Variants in GRM7 observed in about 807,000 individuals in gnomAD.
GRM7 encodes metabotropic glutamate receptor 7.
In GRM7, 35 loss-of-function variants were observed where a neutral mutation model predicts 84.5. The observed-to-expected ratio is 0.41, with a 90% confidence interval of 0.32 to 0.55. The LOEUF (loss-of-function observed/expected upper bound fraction) is 0.55. Among genes scored for constraint, GRM7 ranks in the 20% least tolerant of loss-of-function variants. The probability of loss-of-function intolerance (pLI) is 0.19; values close to 1 mark genes in which losing one functional copy is unlikely to be tolerated. For missense variants in GRM7, 1,003 were observed against 1,194.6 expected (o/e 0.84, Z 2.36); for synonymous variants, 487 against 455.1 (o/e 1.07, Z -0.89).
chr3:7,539,348 A>G (rs1245690638), intron 7 of GRM7, among the ~76,000 whole-genome samples: 2 of 152,146 alleles, frequency 1.3e-5, no homozygotes, highest in Admixed American at 6.6e-5. Context: ...AAGTTCTTCT[A>G]AACATTTTGC....
intron 1 of GRM7, among the ~76,000 whole-genome samples, chr3:7,077,452 C>T (rs537912255): frequency 6.4e-4 from 98 of 151,974 alleles, no homozygotes; most frequent in African/African-American, 2.1e-3. Flanking sequence ...AACCATCATT[C>T]TCAGCAAACT....
At chr3:7,170,005 C>A (rs1007905025) in intron 2 of GRM7, among the ~76,000 whole-genome samples, 3 of 152,172 alleles carry the variant, frequency 2.0e-5, no homozygotes, top group African/African-American at 7.2e-5. Flanking sequence ...GGGCCTCATC[C>A]GTAGAGTTTG....
Position 7,298,815 on chromosome 3 carries a change from G to A in GRM7, c.868G>A (p.Glu290Lys), listed in dbSNP as rs1209014040. 1 of 1,613,594 alleles carries A rather than the reference G, an allele frequency of 6.2e-7. No individual in the cohort carries two copies. Among genetic ancestry groups the A allele is most frequent in the Non-Finnish European group, 8.5e-7 (1 of 1,179,638 alleles). The change falls in exon 3 of 10, where the codon GAG (glutamate) becomes AAG (lysine). Residue 290 changes from glutamate (E) to lysine (K), a missense_variant. By Grantham distance (56) the Glu-to-Lys change is moderately conservative (BLOSUM62 1). Coordinates refer to ENST00000357716, the MANE Select transcript of GRM7 (RefSeq NM_000844.4). ...GGCCGTCGTGATTTTTGCCAACGATGAGGATATAAAGTAAGAATAACTGGT... is the reference window on the plus strand; with the variant it reads ...GGCCGTCGTGATTTTTGCCAACGATAAGGATATAAAGTAAGAATAACTGGT... Reference protein sequence around the residue: ...SRAVVIFANDEDIKQILAAAK... With the variant: ...SRAVVIFANDKDIKQILAAAK...
At chr3:7,409,805 T>C (rs1265607691) in intron 4 of GRM7, among the ~76,000 whole-genome samples, 3 of 152,134 alleles carry the variant, frequency 2.0e-5, no homozygotes, top group African/African-American at 7.2e-5. Context: ...TTTCACCATG[T>C]TGGCCAGGAT....
chr3:7,438,975 T>C (rs1697173621), intron 5 of GRM7, among the ~76,000 whole-genome samples: 1 of 152,298 alleles, frequency 6.6e-6, no homozygotes, highest in Middle Eastern at 3.4e-3. Context: ...CAACTCAATG[T>C]ATAGATGTAG....
At chr3:7,076,887 G>C (rs1286754264) in intron 1 of GRM7, among the ~76,000 whole-genome samples, 14 of 151,908 alleles carry the variant, frequency 9.2e-5, no homozygotes, top group Non-Finnish European at 2.1e-4. Context: ...ACAAGAAAAA[G>C]CAACCCCATC....
intron 1 of GRM7, among the ~76,000 whole-genome samples, chr3:7,085,310 AT>A (rs1277381347): frequency 2.6e-5 from 4 of 152,156 alleles, no homozygotes; most frequent in Non-Finnish European, 5.9e-5. Context: ...CTATTTCCCC[AT>A]TGTTTGAAAT....
At chr3:7,246,557 T>C (rs1697768244) in intron 2 of GRM7, among the ~76,000 whole-genome samples, 1 of 152,150 alleles carries the variant, frequency 6.6e-6, no homozygotes, top group Non-Finnish European at 1.5e-5. Context: ...TGGATATAAG[T>C]ACTACTTTGA....
intron 6 of GRM7, among the ~76,000 whole-genome samples, chr3:7,459,163 G>C (rs112975647): frequency 0.019 from 2,863 of 152,254 alleles, 96 homozygotes; most frequent in African/African-American, 0.063. Context: ...TTGAAATGGT[G>C]CTTTGGCCAC....
intron 7 of GRM7, among the ~76,000 whole-genome samples, chr3:7,560,081 A>G (rs1693943904): frequency 6.6e-6 from 1 of 152,078 alleles, no homozygotes; most frequent in Non-Finnish European, 1.5e-5. Flanking sequence ...ACACAACTGA[A>G]TCCATAATCC....
rs139100112 is a variant in GRM7 at position 7,057,815 on chromosome 3, G to A, written c.520-88637G>A. ...TCTTCATATATCAGGATGATCTCTC[G>A]ATCTAGTGCACACTCTATCTCTATT... On this transcript the variant is annotated intron_variant, in intron 1 of 9. Coordinates refer to ENST00000357716, the MANE Select transcript of GRM7 (RefSeq NM_000844.4). 1.8e-3 allele frequency among the ~76,000 whole-genome samples: 273 copies of A among 151,962 alleles called. 1 individual carries two copies. Among genetic ancestry groups the A allele is most frequent in the Non-Finnish European group, 3.3e-3 (221 of 67,904 alleles).
intron 5 of GRM7, among the ~76,000 whole-genome samples, chr3:7,420,260 A>G (rs1222036614): frequency 7.1e-6 from 1 of 140,470 alleles, no homozygotes. Flanking sequence ...TGCAGAAATA[A>G]TTGATGATTA....
chr3:7,232,297 A>C (rs942898865), intron 2 of GRM7, among the ~76,000 whole-genome samples: 1 of 152,184 alleles, frequency 6.6e-6, no homozygotes, highest in African/African-American at 2.4e-5. Context: ...ATGTTGAATC[A>C]AAATATAGAT....
chr3:7,148,794 G>A (rs555850002), intron 2 of GRM7, among the ~76,000 whole-genome samples: 13 of 152,106 alleles, frequency 8.5e-5, no homozygotes, highest in Non-Finnish European at 1.6e-4. Flanking sequence ...TTCCGTCAGT[G>A]GCAGCCATTT....
chr3:7,112,229 A>AT (rs34718473), intron 1 of GRM7, among the ~76,000 whole-genome samples: 83,274 of 146,798 alleles, frequency 0.57, 24,947 homozygotes, highest in African/African-American at 0.79. Flanking sequence ...ATATTTTATG[A>AT]TTTTTTTTTT....
At chr3:7,074,000 C>A (rs1383469035) in intron 1 of GRM7, among the ~76,000 whole-genome samples, 1 of 152,074 alleles carries the variant, frequency 6.6e-6, no homozygotes, top group African/African-American at 2.4e-5. Context: ...ATATAATTTA[C>A]TTGCAAAACA....
chr3:7,484,705 G>A (rs1328221868), intron 7 of GRM7, among the ~76,000 whole-genome samples: 1 of 152,196 alleles, frequency 6.6e-6, no homozygotes, highest in Admixed American at 6.5e-5. Context: ...TAGTATGTGT[G>A]TATAATTTCC....
At chr3:7,724,590 C>A (rs2106521864) in intron 9 of GRM7, among the ~76,000 whole-genome samples, 1 of 152,314 alleles carries the variant, frequency 6.6e-6, no homozygotes, top group East Asian at 1.9e-4. Flanking sequence ...GTTTCCTCAC[C>A]ACTTTGCATC....
intron 1 of GRM7, among the ~76,000 whole-genome samples, chr3:6,906,413 T>A (rs749056351): frequency 2.0e-5 from 3 of 152,202 alleles, no homozygotes; most frequent in Non-Finnish European, 2.9e-5. Context: ...ATTTTTAATA[T>A]TCTTCAAAAT....
Sources: allele counts gnomAD v4.1 joint callset (sites outside exome capture counted in the v4.1 genomes callset), GRCh38; gene constraint gnomAD v4.1.1; transcripts MANE v1.5; gene names NCBI Gene and HGNC (gene_info 2026-07-23, HGNC 2026-07-21).